DPYSL3: variants seen among roughly 807,000 people sequenced by gnomAD.
DPYSL3 encodes the protein dihydropyrimidinase-related protein 3.
DPYSL3 carries 16 observed loss-of-function variants against 66.1 expected under a neutral mutation model. The ratio of observed to expected loss-of-function variants is 0.24; its 90% CI spans 0.16 to 0.37. The LOEUF (loss-of-function observed/expected upper bound fraction) is 0.37. Ranked by LOEUF, DPYSL3 falls within the 10% of genes least tolerant of loss-of-function variation. The pLI, the probability that DPYSL3 is intolerant of heterozygous loss-of-function variation, is 1.00. For synonymous variants in DPYSL3, 338 were observed against 345.1 expected (o/e 0.98, Z 0.23); for missense variants, 738 against 916.2 (o/e 0.81, Z 2.51).
chr5:147,441,628 T>G (rs939958908), intron 1 of DPYSL3, among the ~76,000 whole-genome samples: 1 of 152,190 alleles, frequency 6.6e-6, no homozygotes, highest in Non-Finnish European at 1.5e-5. Context: ...ACAAAAGTTA[T>G]CAGAAGAGCA....
chr5:147,402,505 G>A (rs968638411), intron 8 of DPYSL3, among the ~76,000 whole-genome samples: 2 of 147,894 alleles, frequency 1.4e-5, no homozygotes, highest in East Asian at 1.9e-4. Flanking sequence ...CCGCCACCAC[G>A]CCCGGCTAAT....
chr5:147,441,380 G>A (rs767307785), intron 1 of DPYSL3, among the ~76,000 whole-genome samples: 22 of 151,904 alleles, frequency 1.4e-4, no homozygotes, highest in Non-Finnish European at 2.5e-4. Flanking sequence ...CCCTCTGTGC[G>A]TGTCTGTGTC....
intron 1 of DPYSL3, among the ~76,000 whole-genome samples, chr5:147,494,625 G>A (rs976035904): frequency 1.3e-5 from 2 of 151,136 alleles, no homozygotes; most frequent in African/African-American, 4.9e-5. Flanking sequence ...CAGCACTTTG[G>A]GAGGCCGAGG....
intron 1 of DPYSL3, among the ~76,000 whole-genome samples, chr5:147,452,147 G>C (rs1479159909): frequency 6.6e-6 from 1 of 152,108 alleles, no homozygotes; most frequent in Non-Finnish European, 1.5e-5. Context: ...GGTATGGTGC[G>C]GCAAAAGAAA....
rs1456642358 is a variant in DPYSL3, at chr5:147,408,782, C to T, written c.978G>A (p.Met326Ile). Reference protein sequence around the residue: ...GDIIAQEQTRMLEMGITGPEG... With the variant: ...GDIIAQEQTRILEMGITGPEG... ...CTGGGCCAGTTATCCCCATTTCCAA[C>T]ATGCGGGTTTGCTCCTGAAATGAAA... is the stretch of plus-strand genomic sequence containing the variant. The change falls in exon 7 of 14, where the codon ATG becomes ATA. Residue 326 changes from methionine to isoleucine, a missense_variant. Physicochemically the swap from Met to Ile is conservative, Grantham distance 10. Coordinates refer to ENST00000343218, the MANE Select transcript of DPYSL3 (RefSeq NM_001197294.2). 5 of 1,614,192 alleles carry T rather than the reference C, an allele frequency of 3.1e-6. No individual in the cohort carries two copies. The highest frequency in any genetic ancestry group is 4.2e-6 in the Non-Finnish European group (5 of 1,180,028).
chr5:147,499,565 A>C (rs1345089647), intron 1 of DPYSL3, among the ~76,000 whole-genome samples: 2 of 152,172 alleles, frequency 1.3e-5, no homozygotes, highest in Admixed American at 6.5e-5. Context: ...AGAAGAACTA[A>C]ATAAAGGGAG....
intron 1 of DPYSL3, among the ~76,000 whole-genome samples, chr5:147,496,395 A>C (rs1342337403): frequency 3.9e-5 from 6 of 152,202 alleles, no homozygotes; most frequent in Non-Finnish European, 7.3e-5. Context: ...CAAAATAGAC[A>C]AATGGGATCT....
intron 1 of DPYSL3, among the ~76,000 whole-genome samples, chr5:147,506,343 G>A (rs114423679): frequency 1.8e-4 from 28 of 152,192 alleles, no homozygotes; most frequent in African/African-American, 3.4e-4. Flanking sequence ...AGCAGCTTAC[G>A]TGAAAAAAGT....
At chr5:147,461,863 C>T (rs1752937165) in intron 1 of DPYSL3, among the ~76,000 whole-genome samples, 1 of 152,088 alleles carries the variant, frequency 6.6e-6, no homozygotes, top group African/African-American at 2.4e-5. Context: ...ACAACTTCCA[C>T]GTTGGTTTCT....
chr5:147,436,959 G>A (rs1204730343), intron 1 of DPYSL3, among the ~76,000 whole-genome samples: 3 of 152,176 alleles, frequency 2.0e-5, no homozygotes, highest in Non-Finnish European at 4.4e-5. Flanking sequence ...CTGAAATGGT[G>A]GCCTGGGATT....
intron 1 of DPYSL3, among the ~76,000 whole-genome samples, chr5:147,430,519 A>G (rs893003382): frequency 6.6e-5 from 10 of 151,658 alleles, no homozygotes; most frequent in African/African-American, 2.4e-4. Flanking sequence ...CAAAAAAAAA[A>G]AAAAAGAAAA....
intron 7 of DPYSL3, 105 bp from the exon 8 acceptor site, chr5:147,405,835 A>T: frequency 6.9e-7 from 1 of 1,456,114 alleles, no homozygotes; most frequent in Non-Finnish European, 9.2e-7. Context: ...AAGGTTATGG[A>T]TAATTTTGGC....
chr5:147,433,635 A>G lies in DPYSL3; in HGVS notation c.382-8672T>C, dbSNP rs555433911. Among the ~76,000 whole-genome samples the G allele has an allele frequency of 2.6e-5, 4 of 152,270 alleles. No individual in the cohort carries two copies. In the South Asian group the frequency reaches 8.3e-4, roughly 32 times the overall value. ...AGCTTCTTCAGCTGAGTGAAGGTAA[A>G]TCTTTCTAAAAAGGTACATTTATAT... On this transcript the variant is annotated intron_variant, in intron 1 of 13. Transcript: ENST00000343218.
chr5:147,488,693 G>C (rs1014323726), intron 1 of DPYSL3, among the ~76,000 whole-genome samples: 1 of 152,076 alleles, frequency 6.6e-6, no homozygotes, highest in Non-Finnish European at 1.5e-5. Context: ...TGCAGCCTGG[G>C]TGACAGAGTG....
At chr5:147,436,385 A>G (rs1752414994) in intron 1 of DPYSL3, among the ~76,000 whole-genome samples, 1 of 152,236 alleles carries the variant, frequency 6.6e-6, no homozygotes, top group African/African-American at 2.4e-5. Context: ...AATATGCAAA[A>G]TATGATGTAG....
At chr5:147,491,956 C>G (rs1753422351) in intron 1 of DPYSL3, among the ~76,000 whole-genome samples, 1 of 151,926 alleles carries the variant, frequency 6.6e-6, no homozygotes, top group Non-Finnish European at 1.5e-5. Context: ...CAGAGAATAG[C>G]AAGCAAGATA....
chr5:147,422,823 G>A (rs1024533159), intron 2 of DPYSL3, among the ~76,000 whole-genome samples: 2 of 152,032 alleles, frequency 1.3e-5, no homozygotes, highest in African/African-American at 4.8e-5. Context: ...ATGGGCACGG[G>A]GAGGCGAACA....
rs143995154 is a variant in DPYSL3, at chr5:147,437,464, T to C, written c.382-12501A>G. 7.7e-3 allele frequency among the ~76,000 whole-genome samples: 1,168 copies of C among 152,312 alleles called. 6 individuals carry two copies. Among genetic ancestry groups the C allele is most frequent in the South Asian group, 0.031 (152 of 4,828 alleles). On this transcript the variant is annotated intron_variant, in intron 1 of 13. Coordinates refer to ENST00000343218, the MANE Select transcript of DPYSL3 (RefSeq NM_001197294.2). ...TATTTTTAAAGCTTGTGGGAGCTTC[T>C]TGGGGATTGTGGTCATAAGCACACA... is the stretch of plus-strand genomic sequence containing the variant.
At chr5:147,440,500 A>G (rs1406519576) in intron 1 of DPYSL3, among the ~76,000 whole-genome samples, 1 of 152,226 alleles carries the variant, frequency 6.6e-6, no homozygotes, top group East Asian at 1.9e-4. Flanking sequence ...AATGCAACCT[A>G]GTGACAGTTG....
Sources: gnomAD v4.1 joint callset for allele counts (sites outside exome capture counted in the v4.1 genomes callset) on GRCh38, gnomAD v4.1.1 for gene constraint, MANE v1.5 for transcripts, NCBI Gene and HGNC (gene_info 2026-07-23, HGNC 2026-07-21) for gene names.